The following SNX29 variants were observed in gnomAD, a reference collection of about 807,000 sequenced individuals.
The protein encoded by SNX29 is sorting nexin 29.
SNX29 carries 78 observed loss-of-function variants against 102.1 expected under a neutral mutation model. That is an observed-to-expected ratio of 0.76 (90% CI 0.64 to 0.92). SNX29 has a LOEUF of 0.92. Ranked by LOEUF, SNX29 falls within the 40% of genes least tolerant of loss-of-function variation. The pLI is 0.00. For synonymous variants in SNX29, 580 were observed against 414.5 expected, an observed-to-expected ratio of 1.40 and a Z score of -4.85; for missense variants, 1,280 against 1,061.7, an observed-to-expected ratio of 1.21 and a Z score of -2.86.
intron 18 of SNX29, among the ~76,000 whole-genome samples, chr16:12,457,188 C>T (rs1289567009): frequency 6.6e-6 from 1 of 152,138 alleles, no homozygotes; most frequent in East Asian, 1.9e-4. Context: ...AATAACAGTA[C>T]AATAAACACC....
intron 20 of SNX29, 44 bp from the exon 21 acceptor site, chr16:12,568,462 T>A (rs1236797512): frequency 6.2e-7 from 1 of 1,603,464 alleles, no homozygotes; most frequent in African/African-American, 1.3e-5. Context: ...GGTCATTTGC[T>A]TTTCATCCCC....
At chr16:12,247,358 C>T (rs1278591359) in intron 14 of SNX29, among the ~76,000 whole-genome samples, 1 of 152,224 alleles carries the variant, frequency 6.6e-6, no homozygotes, top group Non-Finnish European at 1.5e-5. Flanking sequence ...ATATATTCCT[C>T]CTGTAGCCTT....
intron 16 of SNX29, among the ~76,000 whole-genome samples, chr16:12,364,638 T>C (rs1275608147): frequency 2.6e-5 from 4 of 152,178 alleles, no homozygotes; most frequent in Non-Finnish European, 4.4e-5. Context: ...CGGTGAAAGC[T>C]AAAGGTGAAG....
At position 12,573,726 on chromosome 16, in the gene SNX29, T is replaced by G. The variant is rs1289855581; in HGVS notation, c.*5097T>G. 8.9e-6 allele frequency: 2 copies of G among 223,648 alleles called. No homozygotes were observed. The highest frequency in any genetic ancestry group is 1.8e-5 in the Non-Finnish European group (2 of 112,124). The allele number at this position is 223,648 out of a possible 1,614,324, so 13.9% of individuals were successfully genotyped here. ...CTGAGGACAGTAGCACACGGAATGG[T>G]GGATCGTACATTTGCACCCAGAGCT... On this transcript the variant is annotated 3_prime_UTR_variant, in exon 21 of 21. Coordinates refer to ENST00000566228, the MANE Select transcript of SNX29 (RefSeq NM_032167.5).
At chr16:12,565,789 G>T (rs531834641) in intron 20 of SNX29, among the ~76,000 whole-genome samples, 1 of 152,076 alleles carries the variant, frequency 6.6e-6, no homozygotes, top group Non-Finnish European at 1.5e-5. Flanking sequence ...CATCTAGAGG[G>T]CCCTTTACAC....
intron 15 of SNX29, among the ~76,000 whole-genome samples, chr16:12,322,851 G>A (rs209842): frequency 0.11 from 5,444 of 49,280 alleles, 81 homozygotes; most frequent in Non-Finnish European, 0.16. Context: ...CGGTCACTAG[G>A]GGACCACTGT....
intron 15 of SNX29, among the ~76,000 whole-genome samples, chr16:12,329,796 ATGACT>A (rs2081242723): frequency 6.6e-6 from 1 of 152,236 alleles, no homozygotes; most frequent in Non-Finnish European, 1.5e-5. Context: ...CTTCTGTTGA[ATGACT>A]TGACTTGTAT....
In SNX29 at chr16:12,572,275, C is replaced by G; in HGVS notation, c.*3646C>G. The G allele has an allele frequency of 2.8e-6, 3 of 1,059,514 alleles. No individual in the cohort carries two copies. Among genetic ancestry groups the G allele is most frequent in the Non-Finnish European group, 3.4e-6 (3 of 876,736 alleles). The allele number at this position is 1,059,514 out of a possible 1,614,324, so 65.6% of individuals were successfully genotyped here. On this transcript the variant is annotated 3_prime_UTR_variant, in exon 21 of 21. Transcript: ENST00000566228. ...GATACCATGGCTGTAGCTGATGCAACTAACAAGTACTGGGGCCAGTGATCA... is the reference window on the plus strand; with the variant it reads ...GATACCATGGCTGTAGCTGATGCAAGTAACAAGTACTGGGGCCAGTGATCA...
intron 15 of SNX29, among the ~76,000 whole-genome samples, chr16:12,321,786 G>A (rs1161423601): frequency 6.6e-6 from 1 of 152,138 alleles, no homozygotes; most frequent in African/African-American, 2.4e-5. Flanking sequence ...AGTTCTCAGA[G>A]GACAAACACA....
rs1035183143 is a variant in SNX29 at position 12,164,780 on chromosome 16, C to T, written c.1596-34821C>T. ...TTAGCTCACTGCAACATCCGCCTCC[C>T]GGGTTCAAGCAGCTCTCCTGCCTCA... On this transcript the variant is annotated intron_variant, in intron 13 of 20. Coordinates refer to ENST00000566228, the MANE Select transcript of SNX29 (RefSeq NM_032167.5). Among the ~76,000 whole-genome samples the T allele has an allele frequency of 3.3e-5, 5 of 151,234 alleles. No homozygotes were observed. The East Asian group carries it at 9.7e-4, about 29-fold the overall frequency.
At chr16:12,438,919 C>T (rs2902962) in intron 18 of SNX29, among the ~76,000 whole-genome samples, 1 of 151,922 alleles carries the variant, frequency 6.6e-6, no homozygotes, top group African/African-American at 2.4e-5. Flanking sequence ...GAGAGGGAAA[C>T]ACAGCAGGGA....
In SNX29 at chr16:11,997,698, C is replaced by T. The variant is rs550651056; in HGVS notation, c.8-1599C>T. Among the ~76,000 whole-genome samples, 5 of 152,148 alleles carry T rather than the reference C, an allele frequency of 3.3e-5. No homozygotes were observed. The South Asian group carries it at 1.0e-3, about 32-fold the overall frequency. ...TTCATCATGTTGCCCAGGCTGGTCT[C>T]AAACTCCTGATGTCAAGCAATCTTC... On this transcript the variant is annotated intron_variant, in intron 1 of 20. Coordinates refer to ENST00000566228, the MANE Select transcript of SNX29 (RefSeq NM_032167.5).
At chr16:12,067,034 A>G (rs1052920073) in intron 9 of SNX29, among the ~76,000 whole-genome samples, 7 of 147,520 alleles carry the variant, frequency 4.7e-5, no homozygotes, top group African/African-American at 1.8e-4. Context: ...TAAATAAATA[A>G]GCAGGCCAGT....
intron 14 of SNX29, among the ~76,000 whole-genome samples, chr16:12,253,870 G>A (rs2078492213): frequency 6.6e-6 from 1 of 152,154 alleles, no homozygotes. Context: ...GCTGGCAGGT[G>A]GTTATAGGAG....
At chr16:12,091,851 G>T (rs2052562643) in intron 11 of SNX29, among the ~76,000 whole-genome samples, 2 of 151,664 alleles carry the variant, frequency 1.3e-5, no homozygotes, top group Non-Finnish European at 1.5e-5. Flanking sequence ...CAGCAAGAAG[G>T]CGCCATCAGT....
At chr16:12,564,100 C>A (rs1052533858) in intron 20 of SNX29, among the ~76,000 whole-genome samples, 2 of 152,164 alleles carry the variant, frequency 1.3e-5, no homozygotes, top group Non-Finnish European at 2.9e-5. Flanking sequence ...TTTGTAAAAT[C>A]CTCCTTGATT....
At chr16:12,488,558 T>A (rs185158779) in intron 19 of SNX29, among the ~76,000 whole-genome samples, 2 of 152,314 alleles carry the variant, frequency 1.3e-5, no homozygotes, top group Admixed American at 1.3e-4. Flanking sequence ...AACCTGTTTG[T>A]TGAATAACGA....
chr16:12,342,315 A>T (rs1383743665), intron 15 of SNX29, among the ~76,000 whole-genome samples: 1 of 152,144 alleles, frequency 6.6e-6, no homozygotes, highest in Non-Finnish European at 1.5e-5. Context: ...AACATACAAG[A>T]TCTCGGTCAT....
intron 20 of SNX29, among the ~76,000 whole-genome samples, chr16:12,567,447 G>A (rs34352915): frequency 0.27 from 41,764 of 152,056 alleles, 6,121 homozygotes; most frequent in East Asian, 0.44. Flanking sequence ...CCTAGCCCCA[G>A]AATTTATGTG....
Sources: allele counts gnomAD v4.1 joint callset (sites outside exome capture counted in the v4.1 genomes callset), GRCh38; gene constraint gnomAD v4.1.1; transcripts MANE v1.5; gene names NCBI Gene and HGNC (gene_info 2026-07-23, HGNC 2026-07-21).